The following ASCL5 variants were observed in gnomAD, a reference collection of about 807,000 sequenced individuals.
ASCL5 encodes achaete-scute family bHLH transcription factor 5, also known as achaete-scute homolog 5.
For missense variants in ASCL5, 262 were observed against 268.9 expected, an observed-to-expected ratio of 0.97 and a Z score of 0.18; for synonymous variants, 124 against 131.5, an observed-to-expected ratio of 0.94 and a Z score of 0.39.
intron 1 of ASCL5, among the ~76,000 whole-genome samples, chr1:201,122,217 G>A (rs553942591): frequency 6.6e-6 from 1 of 152,286 alleles, no homozygotes; most frequent in African/African-American, 2.4e-5. Flanking sequence ...CCCTCACGCT[G>A]CCCTCCACGC....
At chr1:201,118,484 CAAGA>C (rs1558094912) in intron 1 of ASCL5, among the ~76,000 whole-genome samples, 1 of 108,098 alleles carries the variant, frequency 9.3e-6, no homozygotes. Context: ...GACCCTGTCT[CAAGA>C]AAAAAAAAAA....
intron 1 of ASCL5, among the ~76,000 whole-genome samples, chr1:201,117,418 A>G (rs1663370044): frequency 6.6e-6 from 1 of 152,098 alleles, no homozygotes; most frequent in Non-Finnish European, 1.5e-5. Flanking sequence ...CCTGGATGAC[A>G]GAGCAAGACT....
At chr1:201,123,007 C>T (rs961827600) in intron 1 of ASCL5, among the ~76,000 whole-genome samples, 3 of 152,118 alleles carry the variant, frequency 2.0e-5, no homozygotes, top group African/African-American at 7.2e-5. Context: ...CTCTTATTGC[C>T]GTTAAGGGAC....
chr1:201,118,099 A>G (rs764740379), intron 1 of ASCL5, among the ~76,000 whole-genome samples: 1 of 152,088 alleles, frequency 6.6e-6, no homozygotes, highest in Non-Finnish European at 1.5e-5. Flanking sequence ...ACCTTTTTTC[A>G]TACAACAATT....
chr1:201,126,908 C>T (rs1438655694), intron 1 of ASCL5, among the ~76,000 whole-genome samples, 176 bp downstream of exon 1: 3 of 152,230 alleles, frequency 2.0e-5, no homozygotes, highest in Middle Eastern at 3.2e-3. Flanking sequence ...GCCGTAACCC[C>T]AGCCAGCAGG....
intron 1 of ASCL5, among the ~76,000 whole-genome samples, chr1:201,123,447 C>T (rs1032520998): frequency 1.3e-5 from 2 of 152,146 alleles, no homozygotes; most frequent in African/African-American, 2.4e-5. Context: ...ATATGCCAGC[C>T]GCTGTTCTAA....
chr1:201,123,587 A>C (rs1024933139), intron 1 of ASCL5, among the ~76,000 whole-genome samples: 1 of 152,212 alleles, frequency 6.6e-6, no homozygotes. Flanking sequence ...ATAAATGTTG[A>C]CCTGGGATTC....
At chr1:201,116,439 G>A (rs1418201366) in intron 1 of ASCL5, among the ~76,000 whole-genome samples, 1 of 152,180 alleles carries the variant, frequency 6.6e-6, no homozygotes, top group Non-Finnish European at 1.5e-5. Context: ...AGTCCCTGTG[G>A]TCTGGGATAC....
intron 1 of ASCL5, among the ~76,000 whole-genome samples, chr1:201,124,368 A>C (rs1019666069): frequency 2.0e-5 from 3 of 152,070 alleles, no homozygotes; most frequent in Non-Finnish European, 2.9e-5. Flanking sequence ...TGCCCTCTGA[A>C]CCACACACCC....
At chr1:201,116,847 C>T (rs1390275692) in intron 1 of ASCL5, among the ~76,000 whole-genome samples, 3 of 152,078 alleles carry the variant, frequency 2.0e-5, no homozygotes, top group African/African-American at 7.2e-5. Flanking sequence ...ATTATTTTTT[C>T]CCTCTTCATA....
At chr1:201,125,312 C>T (rs965146413) in intron 1 of ASCL5, among the ~76,000 whole-genome samples, 1 of 152,170 alleles carries the variant, frequency 6.6e-6, no homozygotes, top group Non-Finnish European at 1.5e-5. Flanking sequence ...AGTCTGCCAT[C>T]CTTCTCTCCA....
intron 1 of ASCL5, among the ~76,000 whole-genome samples, chr1:201,121,500 A>T (rs536529417): frequency 6.6e-6 from 1 of 152,150 alleles, no homozygotes; most frequent in African/African-American, 2.4e-5. Flanking sequence ...GTGGTTTCCA[A>T]TAGGGTTCTG....
At chr1:201,118,650 T>C (rs1171398075) in intron 1 of ASCL5, among the ~76,000 whole-genome samples, 2 of 152,186 alleles carry the variant, frequency 1.3e-5, no homozygotes, top group Non-Finnish European at 2.9e-5. Context: ...TCAGTAAATA[T>C]GTACAGAGGG....
intron 1 of ASCL5, among the ~76,000 whole-genome samples, chr1:201,116,267 G>T (rs1034493083): frequency 6.6e-6 from 1 of 152,126 alleles, no homozygotes; most frequent in Non-Finnish European, 1.5e-5. Flanking sequence ...ATCTAGAAGC[G>T]GGTCTGAGAC....
rs550756356 is a variant in ASCL5, at chr1:201,126,441, G to A, written c.-506+643C>T. Among the ~76,000 whole-genome samples, 6 of 152,294 alleles carry A rather than the reference G, an allele frequency of 3.9e-5. No homozygotes were observed. The East Asian group carries it at 7.7e-4, about 20-fold the overall frequency. On this transcript the variant is annotated intron_variant, in intron 1 of 1. Coordinates refer to ENST00000449188, the MANE Select transcript of ASCL5 (RefSeq NM_001270601.2). ...TTTCTATTCCCATTTTACAGATGGG[G>A]AAACTGAGGCTCAGCAAGCTTAAGT...
chr1:201,118,769 G>A (rs75458862), intron 1 of ASCL5, among the ~76,000 whole-genome samples: 235 of 152,294 alleles, frequency 1.5e-3, no homozygotes, highest in African/African-American at 5.4e-3. Flanking sequence ...TATTCATGAT[G>A]TGCAAGACCT....
chr1:201,120,158 T>G (rs1360346846), intron 1 of ASCL5, among the ~76,000 whole-genome samples: 2 of 152,182 alleles, frequency 1.3e-5, no homozygotes, highest in Non-Finnish European at 2.9e-5. Context: ...TGCAAAGAAC[T>G]TTCTAATCCT....
At chr1:201,125,898 G>A (rs1219141728) in intron 1 of ASCL5, among the ~76,000 whole-genome samples, 4 of 152,138 alleles carry the variant, frequency 2.6e-5, no homozygotes, top group Non-Finnish European at 5.9e-5. Context: ...TAATGTCTGT[G>A]GTAGAGCAGC....
At chr1:201,121,787 C>T (rs1453544390) in intron 1 of ASCL5, among the ~76,000 whole-genome samples, 1 of 151,628 alleles carries the variant, frequency 6.6e-6, no homozygotes, top group Admixed American at 6.6e-5. Context: ...GCTGTGATTG[C>T]AGCACTGCAC....
Sources: gnomAD v4.1 joint callset for allele counts (sites outside exome capture counted in the v4.1 genomes callset) on GRCh38, gnomAD v4.1.1 for gene constraint, MANE v1.5 for transcripts, NCBI Gene and HGNC (gene_info 2026-07-23, HGNC 2026-07-21) for gene names.